The following BLTP3A variants were observed in gnomAD, a reference collection of about 807,000 sequenced individuals.
BLTP3A encodes the protein ICBP90 binding protein 1.
At chr6:34,864,759 A>G in the BLTP3A span, among the ~76,000 whole-genome samples, 4 of 152,086 alleles carry the variant, frequency 2.6e-5, no homozygotes, top group Non-Finnish European at 4.4e-5. Context: ...CTTGAGGTCG[A>G]GAGTTGGAGA....
At chr6:34,808,826 C>G in the BLTP3A span, among the ~76,000 whole-genome samples, 1 of 152,172 alleles carries the variant, frequency 6.6e-6, no homozygotes, top group Admixed American at 6.6e-5. Context: ...GCCATCCTGC[C>G]TTAGCCTCCT....
chr6:34,869,521 A>G, the BLTP3A span, among the ~76,000 whole-genome samples: 1 of 150,300 alleles, frequency 6.7e-6, no homozygotes, highest in Non-Finnish European at 1.5e-5. Flanking sequence ...AGATTGTACT[A>G]TTTTTGTGAT....
the BLTP3A span, among the ~76,000 whole-genome samples, chr6:34,854,327 G>T: frequency 2.0e-5 from 3 of 151,896 alleles, no homozygotes; most frequent in Admixed American, 2.0e-4. Context: ...TATATAAGTT[G>T]ATCATTTGCA....
chr6:34,877,029 T>G, the BLTP3A span: 1 of 152,658 alleles, frequency 6.6e-6, no homozygotes. Context: ...TTTTGTCAGT[T>G]TATTAATTTT....
chr6:34,805,581 C>T, the BLTP3A span, among the ~76,000 whole-genome samples: 1 of 128,934 alleles, frequency 7.8e-6, no homozygotes. Context: ...CAGCAGAAGG[C>T]GACTTGGTCT....
At chr6:34,829,582 TA>T in the BLTP3A span, among the ~76,000 whole-genome samples, 1 of 152,316 alleles carries the variant, frequency 6.6e-6, no homozygotes, top group Admixed American at 6.5e-5. Context: ...ACCATTCCAT[TA>T]CCTGAATATG....
the BLTP3A span, among the ~76,000 whole-genome samples, chr6:34,833,360 T>A: frequency 2.6e-5 from 4 of 152,230 alleles, no homozygotes; most frequent in African/African-American, 9.6e-5. Context: ...TTCACCTGAC[T>A]GTACTACTTT....
the BLTP3A span, among the ~76,000 whole-genome samples, chr6:34,817,468 C>T: frequency 6.6e-6 from 1 of 151,276 alleles, no homozygotes. Context: ...TTATTAACTC[C>T]TACTGTTTCA....
chr6:34,858,282 G>A, the BLTP3A span: 4 of 1,614,168 alleles, frequency 2.5e-6, no homozygotes, highest in South Asian at 4.4e-5. Flanking sequence ...CTGCTGCTGA[G>A]TTCTTTCATT....
the BLTP3A span, among the ~76,000 whole-genome samples, chr6:34,818,460 T>A: frequency 6.7e-6 from 1 of 148,740 alleles, no homozygotes; most frequent in African/African-American, 2.5e-5. Context: ...CAGGGTGAGA[T>A]CCTGTCTCAG....
the BLTP3A span, chr6:34,867,651 G>A: frequency 6.3e-7 from 1 of 1,597,626 alleles, no homozygotes; most frequent in Non-Finnish European, 8.5e-7. Context: ...CAGATCATGG[G>A]ACTTGTCTAG....
the BLTP3A span, among the ~76,000 whole-genome samples, chr6:34,820,936 G>A: frequency 2.0e-5 from 3 of 148,670 alleles, no homozygotes; most frequent in East Asian, 4.0e-4. Flanking sequence ...ATAGGCGTGA[G>A]CCACCACGCC....
the BLTP3A span, among the ~76,000 whole-genome samples, chr6:34,841,836 C>G: frequency 1.3e-5 from 2 of 152,178 alleles, no homozygotes; most frequent in Admixed American, 1.3e-4. Context: ...GCTCACATTT[C>G]AGTCTTCTGA....
chr6:34,869,895 C>T, the BLTP3A span, among the ~76,000 whole-genome samples: 8 of 152,042 alleles, frequency 5.3e-5, no homozygotes, highest in East Asian at 7.7e-4. Context: ...GTGATCCACC[C>T]GCCTCAGCCT....
chr6:34,856,068 G>C, the BLTP3A span, among the ~76,000 whole-genome samples: 1 of 152,122 alleles, frequency 6.6e-6, no homozygotes, highest in African/African-American at 2.4e-5. Context: ...ATCACATATG[G>C]AACCCAGAAG....
the BLTP3A span, chr6:34,863,939 G>A: frequency 6.8e-7 from 1 of 1,461,376 alleles, no homozygotes; most frequent in Non-Finnish European, 9.1e-7. Context: ...GGTATTGTAA[G>A]TGGATGGGAA....
chr6:34,869,620 G>T, the BLTP3A span, among the ~76,000 whole-genome samples: 1 of 100,714 alleles, frequency 9.9e-6, no homozygotes, highest in Admixed American at 1.0e-4. Flanking sequence ...ACTATATAAT[G>T]TTATTGTATA....
At chr6:34,795,460 C>T in the BLTP3A span, among the ~76,000 whole-genome samples, 6 of 151,138 alleles carry the variant, frequency 4.0e-5, no homozygotes, top group African/African-American at 1.5e-4. Context: ...TGCAGTGGCA[C>T]GATCTCGGCT....
At chr6:34,858,965 G>A in the BLTP3A span, 1 of 1,614,108 alleles carries the variant, frequency 6.2e-7, no homozygotes, top group East Asian at 2.2e-5. Flanking sequence ...CAGACAGCTT[G>A]CATTGGAGTT....
Sources: gnomAD v4.1 joint callset for allele counts (sites outside exome capture counted in the v4.1 genomes callset) on GRCh38, gnomAD v4.1.1 for gene constraint, MANE v1.5 for transcripts, NCBI Gene and HGNC (gene_info 2026-07-23, HGNC 2026-07-21) for gene names.